ARK2C: variants seen among roughly 807,000 people sequenced by gnomAD.
ARK2C encodes arkadia (RNF111) C-terminal like ring finger ubiquitin ligase 2C, also known as E3 ubiquitin-protein ligase ARK2C.
the ARK2C span, among the ~76,000 whole-genome samples, chr18:46,403,595 C>T: frequency 1.1e-4 from 17 of 152,196 alleles, no homozygotes; most frequent in Middle Eastern, 3.4e-3. Flanking sequence ...AAATCAGATC[C>T]GGCTGGGTGC....
the ARK2C span, among the ~76,000 whole-genome samples, chr18:46,389,793 A>G: frequency 6.6e-6 from 1 of 151,782 alleles, no homozygotes; most frequent in Non-Finnish European, 1.5e-5. Flanking sequence ...CAGTGGTGCA[A>G]TCTTGGCTCA....
the ARK2C span, chr18:46,334,192 C>A: frequency 2.2e-6 from 2 of 918,786 alleles, no homozygotes; most frequent in Non-Finnish European, 2.6e-6. The surrounding 1 kb of genome is among the most constrained non-coding windows in gnomAD (Gnocchi z 4.4). Flanking sequence ...GCAGCCCCGC[C>A]GCCGCCCGCG....
the ARK2C span, among the ~76,000 whole-genome samples, chr18:46,388,442 G>T: frequency 6.6e-5 from 10 of 152,300 alleles, no homozygotes; most frequent in East Asian, 1.9e-3. Flanking sequence ...CAATCCTGTG[G>T]AACAATTTGT....
chr18:46,433,489 C>T, the ARK2C span: 2 of 1,608,774 alleles, frequency 1.2e-6, no homozygotes, highest in African/African-American at 2.7e-5. Flanking sequence ...GCACCGCAGG[C>T]TGGTCTCGCA....
At chr18:46,449,251 G>A in the ARK2C span, among the ~76,000 whole-genome samples, 2 of 152,224 alleles carry the variant, frequency 1.3e-5, no homozygotes, top group African/African-American at 4.8e-5. Context: ...CATAGCCAGG[G>A]TGAGGGAAAG....
chr18:46,437,729 T>G, the ARK2C span, among the ~76,000 whole-genome samples: 3 of 152,222 alleles, frequency 2.0e-5, no homozygotes, highest in Non-Finnish European at 4.4e-5. Flanking sequence ...GATCCTGACC[T>G]TAAGCCGCAA....
the ARK2C span, among the ~76,000 whole-genome samples, chr18:46,432,352 T>A: frequency 6.6e-6 from 1 of 152,264 alleles, no homozygotes; most frequent in Non-Finnish European, 1.5e-5. Context: ...ATTTAACTAT[T>A]ACTTAAATTA....
chr18:46,443,005 T>C, the ARK2C span, among the ~76,000 whole-genome samples: 1 of 152,214 alleles, frequency 6.6e-6, no homozygotes, highest in Non-Finnish European at 1.5e-5. Context: ...TCTTTCCTCC[T>C]TTTACTTGTA....
the ARK2C span, among the ~76,000 whole-genome samples, chr18:46,352,774 G>T: frequency 1.3e-5 from 2 of 152,188 alleles, no homozygotes; most frequent in Non-Finnish European, 2.9e-5. Context: ...AAGGAAGCTG[G>T]GAAGTCTTAT....
chr18:46,450,896 C>T, the ARK2C span: 16 of 835,546 alleles, frequency 1.9e-5, no homozygotes, highest in East Asian at 3.8e-4. Context: ...GGGTGCAGTC[C>T]AGATTCTAGA....
the ARK2C span, among the ~76,000 whole-genome samples, chr18:46,398,796 C>T: frequency 4.6e-5 from 7 of 152,152 alleles, no homozygotes; most frequent in East Asian, 1.4e-3. Context: ...CTCAGTGCTC[C>T]TGGTGGGGTG....
At chr18:46,350,845 G>A in the ARK2C span, among the ~76,000 whole-genome samples, 7 of 152,244 alleles carry the variant, frequency 4.6e-5, no homozygotes, top group South Asian at 2.1e-4. Context: ...CTGACATAGA[G>A]ATTAATTTGA....
the ARK2C span, among the ~76,000 whole-genome samples, chr18:46,427,627 A>G: frequency 6.6e-6 from 1 of 152,106 alleles, no homozygotes; most frequent in Non-Finnish European, 1.5e-5. Flanking sequence ...TCTGCCTTCA[A>G]CCAGCCTCAA....
At chr18:46,377,163 T>C in the ARK2C span, among the ~76,000 whole-genome samples, 1 of 152,198 alleles carries the variant, frequency 6.6e-6, no homozygotes, top group Non-Finnish European at 1.5e-5. Flanking sequence ...TGCAAATATA[T>C]TCATATGAAA....
At chr18:46,452,926 G>A in the ARK2C span, among the ~76,000 whole-genome samples, 3 of 152,140 alleles carry the variant, frequency 2.0e-5, no homozygotes, top group Admixed American at 6.5e-5. Context: ...AATGTGAAAT[G>A]GGAATGATCT....
chr18:46,393,541 C>A, the ARK2C span, among the ~76,000 whole-genome samples: 1,155 of 152,304 alleles, frequency 7.6e-3, 26 homozygotes, highest in African/African-American at 0.027. Context: ...GCCACCACCC[C>A]ACCCCATCTA....
chr18:46,407,847 A>G, the ARK2C span, among the ~76,000 whole-genome samples: 1 of 152,248 alleles, frequency 6.6e-6, no homozygotes, highest in African/African-American at 2.4e-5. Context: ...CAGGCATTAC[A>G]TCATCACAAA....
the ARK2C span, among the ~76,000 whole-genome samples, chr18:46,373,827 G>A: frequency 6.6e-6 from 1 of 152,176 alleles, no homozygotes; most frequent in Non-Finnish European, 1.5e-5. Flanking sequence ...GCCAGAGAAA[G>A]GCAGAGCTGG....
the ARK2C span, among the ~76,000 whole-genome samples, chr18:46,365,330 A>G: frequency 1.3e-5 from 2 of 152,138 alleles, no homozygotes; most frequent in African/African-American, 4.8e-5. Context: ...GGTCGAGTCC[A>G]GGAGGTCTTT....
Sources: allele counts gnomAD v4.1 joint callset (sites outside exome capture counted in the v4.1 genomes callset), GRCh38; gene constraint gnomAD v4.1.1; non-coding constraint Gnocchi (gnomAD v3.1); transcripts MANE v1.5; gene names NCBI Gene and HGNC (gene_info 2026-07-23, HGNC 2026-07-21).